Variants in NETO1 observed in about 807,000 individuals in gnomAD.
NETO1 encodes the protein neuropilin and tolloid like 1, also known as neuropilin and tolloid-like protein 1.
In NETO1, 26 loss-of-function variants were observed where a neutral mutation model predicts 61.3. That is an observed-to-expected ratio of 0.42 (90% CI 0.31 to 0.59). The LOEUF (loss-of-function observed/expected upper bound fraction) is 0.59. NETO1 is among the 20% of genes least tolerant of loss of function. NETO1 has a pLI of 0.12. For missense variants in NETO1, 531 were observed against 662.8 expected, an observed-to-expected ratio of 0.80 and a Z score of 2.18; for synonymous variants, 225 against 225.8, an observed-to-expected ratio of 1.00 and a Z score of 0.03.
intron 10 of NETO1, among the ~76,000 whole-genome samples, chr18:72,748,786 G>A (rs1462068276): frequency 6.6e-6 from 1 of 151,898 alleles, no homozygotes; most frequent in Non-Finnish European, 1.5e-5. Flanking sequence ...TTACATTTTA[G>A]TACAATTCTT....
At chr18:72,843,628 A>G (rs573869905) in intron 4 of NETO1, among the ~76,000 whole-genome samples, 147 of 152,310 alleles carry the variant, frequency 9.7e-4, no homozygotes, top group Non-Finnish European at 1.6e-3. Flanking sequence ...AGACCAAGAA[A>G]GCTCCTTTTT....
intron 4 of NETO1, among the ~76,000 whole-genome samples, chr18:72,839,147 G>C (rs1157537660): frequency 6.6e-6 from 1 of 152,066 alleles, no homozygotes; most frequent in Non-Finnish European, 1.5e-5. Context: ...TTATCCCAAG[G>C]CTGTTGTTAA....
chr18:72,858,479 T>C (rs897668822), intron 4 of NETO1, among the ~76,000 whole-genome samples: 6 of 152,192 alleles, frequency 3.9e-5, no homozygotes, highest in African/African-American at 1.4e-4. Flanking sequence ...TTTATAATAC[T>C]ACAATTGTCT....
chr18:72,797,932 A>C (rs1169240618), intron 4 of NETO1, among the ~76,000 whole-genome samples: 2 of 152,194 alleles, frequency 1.3e-5, no homozygotes, highest in Non-Finnish European at 2.9e-5. Flanking sequence ...TTCAAATATT[A>C]TATTCTCAGA....
chr18:72,783,626 G>A, intron 7 of NETO1, 52 bp downstream of exon 7: 2 of 1,435,830 alleles, frequency 1.4e-6, no homozygotes, highest in Non-Finnish European at 2.0e-6. Flanking sequence ...TTATGAAACT[G>A]GCATCATATG....
intron 4 of NETO1, among the ~76,000 whole-genome samples, chr18:72,819,848 A>ATG (rs1219647969): frequency 6.6e-6 from 1 of 152,172 alleles, no homozygotes; most frequent in Non-Finnish European, 1.5e-5. Context: ...GTTAATTTAT[A>ATG]TTTAGAATGG....
At chr18:72,848,437 C>A (rs2074153371) in intron 4 of NETO1, among the ~76,000 whole-genome samples, 1 of 152,150 alleles carries the variant, frequency 6.6e-6, no homozygotes, top group African/African-American at 2.4e-5. Flanking sequence ...ATGATCCACT[C>A]TGAGACACAA....
chr18:72,816,953 A>T (rs2073050011), intron 4 of NETO1, among the ~76,000 whole-genome samples: 1 of 152,176 alleles, frequency 6.6e-6, no homozygotes, highest in Non-Finnish European at 1.5e-5. Context: ...GAGTCTTCGA[A>T]GGGGGTGAGT....
At chr18:72,821,669 A>T (rs2073205422) in intron 4 of NETO1, among the ~76,000 whole-genome samples, 1 of 152,114 alleles carries the variant, frequency 6.6e-6, no homozygotes, top group African/African-American at 2.4e-5. Flanking sequence ...TAATCTCAAA[A>T]CAATACTCAT....
intron 4 of NETO1, among the ~76,000 whole-genome samples, chr18:72,846,045 T>C (rs1284933566): frequency 2.6e-5 from 4 of 151,990 alleles, no homozygotes; most frequent in African/African-American, 9.7e-5. Context: ...TGAAGGCTCA[T>C]AAACAGTTCA....
chr18:72,756,136 C>T lies in NETO1; in HGVS notation c.880G>A (p.Gly294Ser). Residue 294 changes from glycine to serine, a missense_variant, in exon 8 of 11, where the codon GGC becomes AGC. Physicochemically the swap from Gly to Ser is moderately conservative, Grantham distance 56. Coordinates refer to ENST00000327305, the MANE Select transcript of NETO1 (RefSeq NM_138966.5). ...TTACTATGGCAGAAGAATGTGTTGC[C>T]TTCACAAGGAGCTAAAAAGAAGAAG... ...FTSFQEPPCEGNTFFCHSNMC... is the reference protein window; with the variant it reads ...FTSFQEPPCESNTFFCHSNMC... 1 of 1,586,606 alleles carries T rather than the reference C, an allele frequency of 6.3e-7. No homozygotes were observed.
chr18:72,753,345 T>A (rs1013298797), intron 8 of NETO1, among the ~76,000 whole-genome samples: 1 of 149,814 alleles, frequency 6.7e-6, no homozygotes, highest in South Asian at 2.1e-4. Flanking sequence ...GAAGGCAACA[T>A]GATGACACAT....
chr18:72,794,296 A>G, intron 5 of NETO1, 52 bp from the exon 6 acceptor site: 2 of 1,613,880 alleles, frequency 1.2e-6, no homozygotes, highest in Non-Finnish European at 1.7e-6. Context: ...TGAATAATAA[A>G]CCAAAAGTGT....
intron 7 of NETO1, among the ~76,000 whole-genome samples, chr18:72,780,450 A>G (rs1420755705): frequency 6.6e-6 from 1 of 152,166 alleles, no homozygotes; most frequent in African/African-American, 2.4e-5. Context: ...TATACAGTTC[A>G]CCATTTCTTA....
At chr18:72,788,444 C>A (rs983703875) in intron 6 of NETO1, among the ~76,000 whole-genome samples, 2 of 152,000 alleles carry the variant, frequency 1.3e-5, no homozygotes, top group Non-Finnish European at 2.9e-5. Context: ...TAAAATCTCT[C>A]TATATATTAT....
At chr18:72,851,878 C>G (rs527715512) in intron 4 of NETO1, among the ~76,000 whole-genome samples, 2 of 152,052 alleles carry the variant, frequency 1.3e-5, no homozygotes, top group Non-Finnish European at 2.9e-5. Context: ...GTATCAGCAC[C>G]GTGCTTATAT....
intron 4 of NETO1, among the ~76,000 whole-genome samples, chr18:72,822,121 G>A (rs931288617): frequency 2.0e-5 from 3 of 152,296 alleles, no homozygotes; most frequent in East Asian, 1.9e-4. Context: ...AGTGAGGAAC[G>A]AAGGTCTTGG....
Position 72,866,291 on chromosome 18 carries a change from A to C in NETO1, c.28+973T>G, listed in dbSNP as rs534715741. Among the ~76,000 whole-genome samples the C allele has an allele frequency of 3.3e-5, 5 of 152,204 alleles. 1 individual carries two copies. In the South Asian group the frequency reaches 1.0e-3, roughly 32 times the overall value. On this transcript the variant is annotated intron_variant, in intron 1 of 10. Coordinates refer to ENST00000327305, the MANE Select transcript of NETO1 (RefSeq NM_138966.5). ...GCTTATACATTTATACTTAAACATCACTCTAAGAAACGTATCTAGGTCTTG... is the reference window on the plus strand; with the variant it reads ...GCTTATACATTTATACTTAAACATCCCTCTAAGAAACGTATCTAGGTCTTG...
intron 7 of NETO1, among the ~76,000 whole-genome samples, chr18:72,770,168 A>G (rs2071307546): frequency 6.6e-6 from 1 of 152,170 alleles, no homozygotes; most frequent in Non-Finnish European, 1.5e-5. Context: ...TCTTATGCTT[A>G]CAGGGTATTT....
Sources: allele counts gnomAD v4.1 joint callset (sites outside exome capture counted in the v4.1 genomes callset), GRCh38; gene constraint gnomAD v4.1.1; transcripts MANE v1.5; gene names NCBI Gene and HGNC (gene_info 2026-07-23, HGNC 2026-07-21).